The following C5 variants were observed in gnomAD, a reference collection of about 807,000 sequenced individuals.
C5 encodes the protein complement C5.
In C5, 140 loss-of-function variants were observed where a neutral mutation model predicts 218.8. The ratio of observed to expected loss-of-function variants is 0.64; its 90% CI spans 0.56 to 0.74. C5 has a LOEUF of 0.74. C5 is among the 30% of genes least tolerant of loss of function. The pLI is 0.00. For missense variants in C5, 1,700 were observed against 1,969.6 expected (o/e 0.86, Z 2.59); for synonymous variants, 614 against 682.3 (o/e 0.90, Z 1.56).
chr9:121,045,104 A>G lies in C5; in HGVS notation c.258+1087T>C, dbSNP rs41307972. ...AGCTGGGATTACAGGCATATGCCAT[A>G]AAAGTAACACTTTTAATAAATGAAT... On this transcript the variant is annotated intron_variant, in intron 2 of 40. Coordinates refer to ENST00000223642, the MANE Select transcript of C5 (RefSeq NM_001735.3). Among the ~76,000 whole-genome samples the G allele has an allele frequency of 7.7e-3, 1,176 of 152,110 alleles. 9 individuals are homozygous for G. Among genetic ancestry groups the G allele is most frequent in the East Asian group, 0.022 (115 of 5,182 alleles).
chr9:120,997,605 T>C lies in C5; in HGVS notation c.2732A>G (p.Asn911Ser). ...LPLEIGLHNINFSLETWFGKE... is the reference protein window; with the variant it reads ...LPLEIGLHNISFSLETWFGKE... The stretch of plus-strand genomic sequence containing the variant: ...TCCAAACCAAGTCTCCAGTGAAAAA[T>C]TGATGTTGTGAAGGCCAATTTCCAG... Residue 911 changes from asparagine (N) to serine (S), a missense_variant, in exon 21 of 41, where the codon AAT becomes AGT. Asn to Ser is a conservative substitution (Grantham distance 46). Coordinates refer to ENST00000223642, the MANE Select transcript of C5 (RefSeq NM_001735.3). 1 of 1,614,042 alleles carries C rather than the reference T, an allele frequency of 6.2e-7. No individual in the cohort carries two copies. The highest frequency in any genetic ancestry group is 8.5e-7 in the Non-Finnish European group (1 of 1,180,006).
At chr9:120,953,271 G>A (rs959057395) in intron 40 of C5, among the ~76,000 whole-genome samples, 10 of 152,194 alleles carry the variant, frequency 6.6e-5, no homozygotes, top group Non-Finnish European at 1.5e-5. Context: ...CCAGGGGTCA[G>A]GCTGTCCGCC....
chr9:121,072,292 T>C, the C5 span, among the ~76,000 whole-genome samples: 4 of 152,168 alleles, frequency 2.6e-5, no homozygotes, highest in Admixed American at 6.5e-5. Flanking sequence ...ACTAATATGA[T>C]TGATAATGAA....
At chr9:121,018,522 C>T (rs972447154) in intron 12 of C5, among the ~76,000 whole-genome samples, 7 of 145,264 alleles carry the variant, frequency 4.8e-5, no homozygotes, top group African/African-American at 5.1e-5. Flanking sequence ...TGCAGTGAGT[C>T]GAAATCATGC....
chr9:121,023,014 A>G (rs1004052691), intron 10 of C5, among the ~76,000 whole-genome samples: 1 of 152,198 alleles, frequency 6.6e-6, no homozygotes, highest in African/African-American at 2.4e-5. Context: ...GAGAGAAAGG[A>G]GTCTATTTTC....
chr9:121,015,316 A>C, intron 15 of C5, 55 bp from the exon 16 acceptor site: 15 of 1,147,460 alleles, frequency 1.3e-5, no homozygotes, highest in Non-Finnish European at 1.4e-5. Flanking sequence ...ATAAAATCTC[A>C]AAAAAAAATT....
intron 28 of C5, among the ~76,000 whole-genome samples, chr9:120,977,527 C>T (rs945242240): frequency 2.0e-5 from 3 of 152,108 alleles, no homozygotes; most frequent in Non-Finnish European, 4.4e-5. Flanking sequence ...GTGATTGTAG[C>T]TCACTGCAGC....
chr9:121,017,930 T>A, intron 12 of C5, 78 bp from the exon 13 acceptor site: 3 of 873,268 alleles, frequency 3.4e-6, no homozygotes, highest in South Asian at 1.4e-5. Context: ...GGATGCAGCC[T>A]GGAGCTGGAG....
At chr9:121,019,848 A>G in intron 12 of C5, 128 bp downstream of exon 12, 1 of 664,742 alleles carries the variant, frequency 1.5e-6, no homozygotes, top group Non-Finnish European at 2.7e-6. Flanking sequence ...CTGATGTTCA[A>G]GTTAGATGAT....
rs1157657872 is a variant in C5, at chr9:121,032,182, T to A, written c.598A>T (p.Thr200Ser). The A allele has an allele frequency of 3.1e-6, 5 of 1,600,738 alleles. No individual in the cohort carries two copies. In the African/African-American group the frequency reaches 5.4e-5, roughly 17 times the overall value. ...IPSNPRYGMW[T>S]IKAKYKEDFS... Reference sequence around the variant, plus strand: ...TCCTCTTTATATTTAGCCTTGATCGTCCACATACCATATCTGTGGAAGCAA... The same window carrying A: ...TCCTCTTTATATTTAGCCTTGATCGACCACATACCATATCTGTGGAAGCAA... Residue 200 changes from threonine (T) to serine (S), a missense_variant, in exon 6 of 41, where the codon ACG becomes TCG. Transcript: ENST00000223642.
intron 22 of C5, among the ~76,000 whole-genome samples, chr9:120,994,508 A>T (rs2047101412): frequency 6.6e-6 from 1 of 152,040 alleles, no homozygotes; most frequent in Admixed American, 6.6e-5. Context: ...GCTTGAAATC[A>T]GGAGGTGGAG....
intron 39 of C5, 174 bp downstream of exon 39, chr9:120,957,111 T>C (rs550553616): frequency 9.2e-6 from 5 of 541,670 alleles, no homozygotes; most frequent in East Asian, 3.2e-5. Context: ...CAATGAGAAA[T>C]ATTTATACGA....
upstream of C5, among the ~76,000 whole-genome samples, chr9:121,053,905 G>A (rs1172780421): frequency 6.6e-6 from 1 of 152,166 alleles, no homozygotes; most frequent in Non-Finnish European, 1.5e-5. Context: ...GTCATGGCTA[G>A]CTTCACCACT....
chr9:121,021,730 C>A, intron 10 of C5, 36 bp from the exon 11 acceptor site: 2 of 1,484,022 alleles, frequency 1.3e-6, no homozygotes, highest in Non-Finnish European at 1.9e-6. Flanking sequence ...ATTTCAACAG[C>A]TCATCACTTA....
At chr9:120,988,176 T>G (rs952995176) in intron 25 of C5, among the ~76,000 whole-genome samples, 2 of 152,194 alleles carry the variant, frequency 1.3e-5, no homozygotes, top group Non-Finnish European at 2.9e-5. Context: ...TTGGAAGATA[T>G]GTTTCATTGA....
chr9:120,974,545 T>C (rs1459062377), intron 30 of C5, among the ~76,000 whole-genome samples: 1 of 152,204 alleles, frequency 6.6e-6, no homozygotes, highest in African/African-American at 2.4e-5. Context: ...CTATCAAGAC[T>C]CTTATTTTTC....
chr9:121,000,461 A>G (rs531780701), intron 20 of C5, among the ~76,000 whole-genome samples: 3 of 152,342 alleles, frequency 2.0e-5, no homozygotes, highest in Admixed American at 2.0e-4. Context: ...TAAACAAAAC[A>G]GAGGAGAGAA....
At chr9:121,002,341 TAC>T (rs150670666) in intron 20 of C5, among the ~76,000 whole-genome samples, 1,693 of 72,604 alleles carry the variant, frequency 0.023, 84 homozygotes, top group African/African-American at 0.061. Context: ...TATATATATA[TAC>T]ACACATACCT....
chr9:120,995,309 G>A (rs992108433), intron 22 of C5, among the ~76,000 whole-genome samples: 2 of 152,068 alleles, frequency 1.3e-5, no homozygotes, highest in Non-Finnish European at 2.9e-5. Context: ...TTGATACAAC[G>A]TTAAGATAAG....
Sources: gnomAD v4.1 joint callset for allele counts (sites outside exome capture counted in the v4.1 genomes callset) on GRCh38, gnomAD v4.1.1 for gene constraint, MANE v1.5 for transcripts, NCBI Gene and HGNC (gene_info 2026-07-23, HGNC 2026-07-21) for gene names.